Variants in VCAN observed in about 807,000 individuals in gnomAD.
The protein encoded by VCAN is versican.
Under a neutral mutation model 245.5 loss-of-function variants are expected in VCAN, and 44 were observed. That is an observed-to-expected ratio of 0.18 (90% CI 0.14 to 0.23). The LOEUF is 0.23. VCAN is among the 10% of genes least tolerant of loss of function. VCAN has a pLI of 1.00. For synonymous variants in VCAN, 1,413 were observed against 1,437.0 expected, an observed-to-expected ratio of 0.98 and a Z score of 0.38; for missense variants, 3,793 against 4,057.9, an observed-to-expected ratio of 0.93 and a Z score of 1.77.
intron 12 of VCAN, chr5:83,562,295 TA>T (rs1404661214): frequency 6.6e-6 from 1 of 152,192 alleles, no homozygotes; most frequent in Non-Finnish European, 1.5e-5. Context: ...ACTGAGTTCT[TA>T]ATGAAAATTT....
At chr5:83,509,079 GAAAGAGAA>G (rs780601530) in intron 5 of VCAN, among the ~76,000 whole-genome samples, 12 of 148,210 alleles carry the variant, frequency 8.1e-5, no homozygotes, top group Middle Eastern at 3.5e-3. Flanking sequence ...AAGAAAGAAA[GAAAGAGAA>G]AGAAAGAAGG....
At chr5:83,555,862 A>G (rs1747648617) in intron 12 of VCAN, among the ~76,000 whole-genome samples, 1 of 152,208 alleles carries the variant, frequency 6.6e-6, no homozygotes, top group African/African-American at 2.4e-5. Flanking sequence ...GTTGGGATCC[A>G]CTGGGCTAGA....
At chr5:83,558,311 CA>C (rs1295928429) in intron 12 of VCAN, among the ~76,000 whole-genome samples, 1 of 152,094 alleles carries the variant, frequency 6.6e-6, no homozygotes, top group Non-Finnish European at 1.5e-5. Flanking sequence ...AAGTCTTGGT[CA>C]GGGGGATCAG....
chr5:83,536,145 G>A (rs3096169), intron 7 of VCAN: 131,559 of 152,170 alleles, frequency 0.86, 56,919 homozygotes, highest in Admixed American at 0.88. Context: ...TACTTTTCGA[G>A]GAATGCTAGT....
chr5:83,538,254 A>G lies in VCAN; in HGVS notation c.5251A>G (p.Ile1751Val). 1 of 1,614,038 alleles carries G rather than the reference A, an allele frequency of 6.2e-7. No homozygotes were observed. Among genetic ancestry groups the G allele is most frequent in the African/African-American group, 1.3e-5 (1 of 75,030 alleles). Reference sequence around the variant, plus strand: ...ATCTACACAGAGATCGGATCAATTAATTTTACCCTTTGAATTAGAAAGTCC... The same window carrying G: ...ATCTACACAGAGATCGGATCAATTAGTTTTACCCTTTGAATTAGAAAGTCC... ...YSSTQRSDQL[I>V]LPFELESPNV... Residue 1751 changes from isoleucine (I) to valine (V), a missense_variant, in exon 8 of 15, where the codon ATT becomes GTT. Ile to Val is a conservative substitution (Grantham distance 29). This residue lies in a region of VCAN where 3,182 missense variants were observed against 3,250.3 expected (regional missense o/e 0.98). Transcript: ENST00000265077.
chr5:83,479,621 G>A (rs1362218465), intron 1 of VCAN, among the ~76,000 whole-genome samples: 5 of 152,160 alleles, frequency 3.3e-5, no homozygotes, highest in Non-Finnish European at 4.4e-5. Context: ...ACATGGAAAA[G>A]TGGAAGAATG....
chr5:83,485,699 G>T (rs1054288754), intron 2 of VCAN, among the ~76,000 whole-genome samples: 1 of 152,106 alleles, frequency 6.6e-6, no homozygotes, highest in Non-Finnish European at 1.5e-5. Flanking sequence ...CTGATGGATT[G>T]GATGGGGTGT....
At position 83,540,331 on chromosome 5, in the gene VCAN, A is replaced by T. The variant is rs1746919796; in HGVS notation, c.7328A>T (p.His2443Leu). The change falls in exon 8 of 15, where the codon CAC becomes CTC. Residue 2443 changes from histidine (H) to leucine (L), a missense_variant. Coordinates refer to ENST00000265077, the MANE Select transcript of VCAN (RefSeq NM_004385.5). ...SGEVDIVDSF[H>L]TSATTQATRQ... The stretch of plus-strand genomic sequence containing the variant: ...GAAGTGGATATTGTTGATTCATTTC[A>T]CACTTCTGCAACTACTCAGGCAACC... 6.2e-7 allele frequency: 1 copy of T among 1,613,992 alleles called. No individual in the cohort carries two copies. Among genetic ancestry groups the T allele is most frequent in the African/African-American group, 1.3e-5 (1 of 74,920 alleles).
Position 83,539,755 on chromosome 5 carries a change from T to G in VCAN, c.6752T>G (p.Leu2251Arg), listed in dbSNP as rs1403279933. ...ACAATTCAAGAGTCAGATACTGAGC[T>G]CTTATTCTCTGGACTGGGATCAGGA... ...RPTIQESDTELLFSGLGSGEE... is the reference protein window; with the variant it reads ...RPTIQESDTERLFSGLGSGEE... The change falls in exon 8 of 15, where the codon CTC becomes CGC. Residue 2251 changes from leucine to arginine, a missense_variant. Around this residue, in one of 5 missense-constraint regions of VCAN, gnomAD observed 3,182 missense variants for 3,250.3 expected, o/e 0.98. Transcript: ENST00000265077. 1 of 1,613,844 alleles carries G rather than the reference T, an allele frequency of 6.2e-7. No homozygotes were observed. Among genetic ancestry groups the G allele is most frequent in the Non-Finnish European group, 8.5e-7 (1 of 1,180,002 alleles).
chr5:83,575,212 C>G (rs1009941284), intron 13 of VCAN, among the ~76,000 whole-genome samples: 1 of 152,146 alleles, frequency 6.6e-6, no homozygotes, highest in African/African-American at 2.4e-5. Context: ...TAACATACAT[C>G]AAGCCCGAGT....
intron 3 of VCAN, among the ~76,000 whole-genome samples, chr5:83,492,824 G>A (rs927210561): frequency 1.3e-5 from 2 of 152,192 alleles, no homozygotes; most frequent in Non-Finnish European, 2.9e-5. Context: ...CATTTGAATG[G>A]TACATGGTGG....
intron 12 of VCAN, among the ~76,000 whole-genome samples, chr5:83,570,567 C>G (rs702499): frequency 0.82 from 124,781 of 152,084 alleles, 51,450 homozygotes; most frequent in African/African-American, 0.9. Flanking sequence ...TAATTATACT[C>G]TTTTTGTTTG....
chr5:83,508,088 A>G (rs747340744), intron 5 of VCAN, among the ~76,000 whole-genome samples: 7 of 152,198 alleles, frequency 4.6e-5, no homozygotes, highest in Admixed American at 2.6e-4. Context: ...TAGACACTTC[A>G]TCAGGGTTCC....
At position 83,537,663 on chromosome 5, in the gene VCAN, G is replaced by A. The variant is rs759634176; in HGVS notation, c.4660G>A (p.Asp1554Asn). ...PEESSGEIAIDQESQKIAFAR... is the reference protein window; with the variant it reads ...PEESSGEIAINQESQKIAFAR... Reference sequence around the variant, plus strand: ...AGAGTCTTCAGGAGAGATTGCCATTGACCAAGAATCTCAGAAAATAGCCTT... The same window carrying A: ...AGAGTCTTCAGGAGAGATTGCCATTAACCAAGAATCTCAGAAAATAGCCTT... Residue 1554 changes from aspartate to asparagine, a missense_variant, in exon 8 of 15, where the codon GAC becomes AAC. Asp to Asn is a conservative substitution (Grantham distance 23). Around this residue, in one of 5 missense-constraint regions of VCAN, gnomAD observed 3,182 missense variants for 3,250.3 expected, o/e 0.98. Coordinates refer to ENST00000265077, the MANE Select transcript of VCAN (RefSeq NM_004385.5). 14 of 1,613,694 alleles carry A rather than the reference G, an allele frequency of 8.7e-6. No homozygotes were observed. In the African/African-American group the frequency reaches 1.7e-4, roughly 20 times the overall value.
At chr5:83,493,437 A>G in intron 3 of VCAN, 109 bp from the exon 4 acceptor site, 2 of 1,336,574 alleles carry the variant, frequency 1.5e-6, no homozygotes, top group Non-Finnish European at 2.1e-6. Flanking sequence ...TTATTATGAT[A>G]TTATTACTAT....
In VCAN at chr5:83,580,331, C is replaced by G; in HGVS notation, c.10088C>G (p.Ser3363Cys). Residue 3363 changes from serine to cysteine, a missense_variant, in exon 15 of 15, where the codon TCT becomes TGT. This residue lies in a region of VCAN where 205 missense variants were observed against 321.1 expected (regional missense o/e 0.64). Transcript: ENST00000265077. ...GCATCTGCATACCAAAGGACTTATTCTATGAAATACTTTAAAAATTCCTCA... is the reference window on the plus strand; with the variant it reads ...GCATCTGCATACCAAAGGACTTATTGTATGAAATACTTTAAAAATTCCTCA... ...MNPSAYQRTY[S>C]MKYFKNSSSA... The G allele has an allele frequency of 1.2e-6, 2 of 1,613,882 alleles. No individual in the cohort carries two copies. Among genetic ancestry groups the G allele is most frequent in the Non-Finnish European group, 1.7e-6 (2 of 1,179,946 alleles).
At chr5:83,522,456 T>A in intron 7 of VCAN, 147 bp downstream of exon 7, 1 of 845,706 alleles carries the variant, frequency 1.2e-6, no homozygotes, top group South Asian at 1.7e-5. Flanking sequence ...TTCATATATT[T>A]GTACAAGAAT....
intron 6 of VCAN, among the ~76,000 whole-genome samples, chr5:83,514,765 A>T (rs1314924422): frequency 2.0e-5 from 3 of 152,134 alleles, no homozygotes; most frequent in Non-Finnish European, 4.4e-5. Context: ...GGCCTAGTAT[A>T]TATTTTTAAA....
intron 5 of VCAN, among the ~76,000 whole-genome samples, chr5:83,495,466 AG>A (rs1159060180): frequency 6.6e-6 from 1 of 152,236 alleles, no homozygotes; most frequent in Non-Finnish European, 1.5e-5. Flanking sequence ...TTTTGTATAT[AG>A]GAAAAGGGAA....
Sources: allele counts gnomAD v4.1 joint callset (sites outside exome capture counted in the v4.1 genomes callset), GRCh38; gene constraint gnomAD v4.1.1; regional missense constraint gnomAD v4.1.1; transcripts MANE v1.5; gene names NCBI Gene and HGNC (gene_info 2026-07-23, HGNC 2026-07-21).